Variants in CDK13 observed in about 807,000 individuals in gnomAD.
The protein encoded by CDK13 is cyclin dependent kinase 13.
In CDK13, 40 loss-of-function variants were observed where a neutral mutation model predicts 137.6. The observed-to-expected ratio is 0.29, with a 90% CI of 0.23 to 0.38. The LOEUF is 0.38. CDK13 is among the 10% of genes least tolerant of loss of function. The pLI is 1.00. For synonymous variants in CDK13, 869 were observed against 760.1 expected (o/e 1.14, Z -2.36); for missense variants, 1,704 against 1,951.8 (o/e 0.87, Z 2.39).
chr7:39,998,754 G>A (rs966966602), intron 3 of CDK13: 14 of 152,184 alleles, frequency 9.2e-5, no homozygotes, highest in Admixed American at 7.2e-4. Flanking sequence ...TTTGAAGAAT[G>A]TAAGATTTTT....
chr7:40,058,192 C>T (rs1326786639), intron 7 of CDK13, among the ~76,000 whole-genome samples: 1 of 152,048 alleles, frequency 6.6e-6, no homozygotes, highest in African/African-American at 2.4e-5. Flanking sequence ...GAACTCAGTA[C>T]GGCCTGAGAA....
chr7:40,053,930 A>AAT (rs1207949439), intron 7 of CDK13, among the ~76,000 whole-genome samples: 2 of 152,202 alleles, frequency 1.3e-5, no homozygotes, highest in African/African-American at 4.8e-5. Context: ...GAAGTTTAGA[A>AAT]AATTTAAGTG....
At chr7:39,982,581 G>A (rs1159138452) in intron 1 of CDK13, among the ~76,000 whole-genome samples, 1 of 152,134 alleles carries the variant, frequency 6.6e-6, no homozygotes, top group Non-Finnish European at 1.5e-5. Context: ...GATCCCTGAG[G>A]AATCGCCACA....
intron 9 of CDK13, among the ~76,000 whole-genome samples, chr7:40,076,005 A>G (rs186382491): frequency 6.6e-6 from 1 of 152,206 alleles, no homozygotes; most frequent in African/African-American, 2.4e-5. Context: ...TGGTAACATA[A>G]TTTATCTTAT....
At chr7:40,042,143 G>A (rs1253886389) in intron 5 of CDK13, among the ~76,000 whole-genome samples, 6 of 151,858 alleles carry the variant, frequency 4.0e-5, no homozygotes, top group African/African-American at 9.7e-5. Flanking sequence ...AGGCTGGCGC[G>A]ATCTCGGCTC....
intron 1 of CDK13, among the ~76,000 whole-genome samples, chr7:39,957,307 T>C (rs892112391): frequency 6.6e-6 from 1 of 151,934 alleles, no homozygotes; most frequent in Non-Finnish European, 1.5e-5. Context: ...TTAGTTTTTT[T>C]TCCTGTGCCC....
At chr7:40,028,810 GTAATGCAAATATATATAAATATATATAA>G (rs1785301919) in intron 5 of CDK13, among the ~76,000 whole-genome samples, 1 of 151,650 alleles carries the variant, frequency 6.6e-6, no homozygotes, top group South Asian at 2.1e-4. Context: ...TATGACCACA[GTAATGCAAATATATATAAATATATATAA>G]TAATGCAAAT....
chr7:40,034,293 C>A (rs1214100974), intron 5 of CDK13, among the ~76,000 whole-genome samples: 1 of 152,144 alleles, frequency 6.6e-6, no homozygotes. Context: ...GCCTCTCTCT[C>A]TAATTTTGGG....
rs1268375305 is a variant in CDK13, at chr7:40,095,882, C to T, written c.*902C>T. ...CTGTGTTGCCTTTCACTACCACCTT[C>T]TCTTGATAGGGGAGTGAGAGCAAAG... On this transcript the variant is annotated 3_prime_UTR_variant, in exon 14 of 14. Coordinates refer to ENST00000181839, the MANE Select transcript of CDK13 (RefSeq NM_003718.5). The T allele has an allele frequency of 6.6e-6, 1 of 152,174 alleles. No individual in the cohort carries two copies. Among genetic ancestry groups the T allele is most frequent in the Non-Finnish European group, 1.5e-5 (1 of 68,050 alleles). The allele number at this position is 152,174 out of a possible 1,614,324, so 9.4% of individuals were successfully genotyped here. A position where few individuals can be genotyped will look rare whatever the true frequency, so the allele number is the denominator to read the frequency against.
At chr7:39,979,216 C>CTTT (rs71560152) in intron 1 of CDK13, among the ~76,000 whole-genome samples, 14 of 130,886 alleles carry the variant, frequency 1.1e-4, no homozygotes, top group South Asian at 2.5e-4. Flanking sequence ...TCTTTTTTTT[C>CTTT]TTTTTTTTTT....
rs150742219 is a variant in CDK13, at chr7:40,096,165, A to G, written c.*1185A>G. ...CAAATACCGTATTTTAAGTTATGCA[A>G]TTGCCCTTTTAAGAAAGTCAATTCT... On this transcript the variant is annotated 3_prime_UTR_variant, in exon 14 of 14. Transcript: ENST00000181839. The G allele has an allele frequency of 2.6e-5, 4 of 152,266 alleles. No individual in the cohort carries two copies. The highest frequency in any genetic ancestry group is 2.1e-4 in the South Asian group (1 of 4,828). 9.4% of individuals were successfully genotyped at this position (152,266 alleles called of 1,614,324 possible).
intron 1 of CDK13, among the ~76,000 whole-genome samples, chr7:39,960,813 G>A (rs764145921): frequency 8.6e-5 from 13 of 151,696 alleles, no homozygotes; most frequent in Non-Finnish European, 1.6e-4. Context: ...GACCTCAGGT[G>A]ATCTGCCCAC....
At position 40,068,607 on chromosome 7, in the gene CDK13, T is replaced by C. The variant is rs1584064100; in HGVS notation, c.2780+5507T>C. 4.1e-5 allele frequency among the ~76,000 whole-genome samples: 6 copies of C among 147,308 alleles called. No individual in the cohort carries two copies. In the East Asian group the frequency reaches 1.2e-3, roughly 30 times the overall value. Reference sequence around the variant, plus strand: ...TACTTGGAAGGCTGAGGCAGGAACATCCTGCCTCAGGTAGCTTGAACCTGG... The same window carrying C: ...TACTTGGAAGGCTGAGGCAGGAACACCCTGCCTCAGGTAGCTTGAACCTGG... On this transcript the variant is annotated intron_variant, in intron 9 of 13. Coordinates refer to ENST00000181839, the MANE Select transcript of CDK13 (RefSeq NM_003718.5).
chr7:40,064,279 T>C (rs113363963), intron 9 of CDK13, among the ~76,000 whole-genome samples: 16,069 of 137,092 alleles, frequency 0.12, 1,019 homozygotes, highest in Middle Eastern at 0.18. Flanking sequence ...AGCGAAATTA[T>C]GTCTCAAAAA....
intron 7 of CDK13, among the ~76,000 whole-genome samples, chr7:40,049,913 T>G (rs1248849493): frequency 2.0e-5 from 3 of 151,694 alleles, no homozygotes; most frequent in African/African-American, 7.3e-5. Context: ...ATGACAGGAT[T>G]TCCTTGTTTT....
In CDK13 at chr7:39,951,214, G is replaced by A. The variant is rs1787171684; in HGVS notation, c.573G>A (p.Gly191=). The A allele has an allele frequency of 2.4e-6, 3 of 1,254,886 alleles. No homozygotes were observed. Among genetic ancestry groups the A allele is most frequent in the Non-Finnish European group, 3.0e-6 (3 of 1,002,270 alleles). The allele number at this position is 1,254,886 out of a possible 1,614,324, so 77.7% of individuals were successfully genotyped here. A position where few individuals can be genotyped will look rare whatever the true frequency, so the allele number is the denominator to read the frequency against. Residue 191 remains glycine, a synonymous_variant, in exon 1 of 14, where the codon GGG becomes GGA. Transcript: ENST00000181839. ...CCTCCTCCGGCACCCAGCGGCGCGG[G>A]GAGGGGTCGGAGCGCAGGCCCCGCC... ...PASSSGTQRR[G]EGSERRPRRD...
At position 39,951,997 on chromosome 7, in the gene CDK13, A is replaced by G. The variant is rs550919957; in HGVS notation, c.1211+145A>G. 6.5e-5 allele frequency: 59 copies of G among 902,642 alleles called. No homozygotes were observed. The East Asian group carries it at 1.7e-3, about 26-fold the overall frequency. The allele number at this position is 902,642 out of a possible 1,614,324, so 55.9% of individuals were successfully genotyped here. On this transcript the variant is annotated intron_variant, in intron 1 of 13. Coordinates refer to ENST00000181839, the MANE Select transcript of CDK13 (RefSeq NM_003718.5). The stretch of plus-strand genomic sequence containing the variant: ...ACCGCCTGAGCCTCCCAGGAAGGAT[A>G]GGCGTTTTCGCGCGCGTGACACTTT...
rs1466507674 is a variant in CDK13, at chr7:39,950,539, G to C, written c.-103G>C. ...CTTTTCCCGGCCGGCTCTGGTGCTC[G>C]GTGTCCCTCCGCCGCCGCTCCCGTT... On this transcript the variant is annotated 5_prime_UTR_variant, in exon 1 of 14. Coordinates refer to ENST00000181839, the MANE Select transcript of CDK13 (RefSeq NM_003718.5). 3 of 1,269,396 alleles carry C rather than the reference G, an allele frequency of 2.4e-6. No individual in the cohort carries two copies. The highest frequency in any genetic ancestry group is 1.5e-5 in the African/African-American group (1 of 64,526). The allele number at this position is 1,269,396 out of a possible 1,614,324, so 78.6% of individuals were successfully genotyped here.
chr7:40,084,023 A>C (rs1221331635), intron 11 of CDK13, among the ~76,000 whole-genome samples: 2 of 152,316 alleles, frequency 1.3e-5, no homozygotes, highest in East Asian at 3.8e-4. Flanking sequence ...GGAATAATCA[A>C]ATGAGAGAAT....
Sources: gnomAD v4.1 joint callset for allele counts (sites outside exome capture counted in the v4.1 genomes callset) on GRCh38, gnomAD v4.1.1 for gene constraint, MANE v1.5 for transcripts, NCBI Gene and HGNC (gene_info 2026-07-23, HGNC 2026-07-21) for gene names.